The following TAFA2 variants were observed in gnomAD, a reference collection of about 807,000 sequenced individuals.
TAFA2 encodes the protein TAFA chemokine like family member 2, also known as chemokine-like protein TAFA-2.
In TAFA2, 7 loss-of-function variants were observed where a neutral mutation model predicts 18.8. That is an observed-to-expected ratio of 0.37 (90% CI 0.21 to 0.70). The LOEUF is 0.70. Ranked by LOEUF, TAFA2 falls within the 30% of genes least tolerant of loss-of-function variation. The pLI is 0.53. For synonymous variants in TAFA2, 60 were observed against 54.2 expected, an observed-to-expected ratio of 1.11 and a Z score of -0.47; for missense variants, 122 against 158.1, an observed-to-expected ratio of 0.77 and a Z score of 1.23.
intron 4 of TAFA2, among the ~76,000 whole-genome samples, chr12:61,714,826 G>A (rs1869572104): frequency 6.6e-6 from 1 of 152,042 alleles, no homozygotes. Flanking sequence ...AAAATTCCTT[G>A]TTCCCCCTGT....
intron 2 of TAFA2, among the ~76,000 whole-genome samples, chr12:61,811,274 C>G (rs1428802790): frequency 1.3e-5 from 2 of 151,046 alleles, no homozygotes. Context: ...TTCAGAAAAG[C>G]CCTACAGTTG....
intron 4 of TAFA2, among the ~76,000 whole-genome samples, chr12:61,736,713 T>C (rs1352886660): frequency 6.6e-6 from 1 of 151,994 alleles, no homozygotes; most frequent in Non-Finnish European, 1.5e-5. Context: ...CAATAAATTA[T>C]ATCATCACCC....
chr12:61,968,829 G>T (rs1029132846), intron 1 of TAFA2, among the ~76,000 whole-genome samples: 10 of 151,496 alleles, frequency 6.6e-5, no homozygotes, highest in Non-Finnish European at 1.5e-4. Flanking sequence ...CTCTTACTTT[G>T]CCATAGATGA....
intron 1 of TAFA2, among the ~76,000 whole-genome samples, chr12:62,129,371 T>G (rs1237036988): frequency 6.6e-6 from 1 of 152,034 alleles, no homozygotes; most frequent in African/African-American, 2.4e-5. Flanking sequence ...ATTTTGTCTA[T>G]AAGAAGTAAC....
intron 1 of TAFA2, among the ~76,000 whole-genome samples, chr12:62,198,957 C>T (rs2062660278): frequency 6.6e-6 from 1 of 152,074 alleles, no homozygotes; most frequent in South Asian, 2.1e-4. Flanking sequence ...AACTGTCCTA[C>T]ATGTAGTAGG....
intron 1 of TAFA2, among the ~76,000 whole-genome samples, chr12:62,020,521 A>G (rs1881093595): frequency 6.6e-6 from 1 of 152,190 alleles, no homozygotes; most frequent in South Asian, 2.1e-4. Flanking sequence ...AGAGAATGTC[A>G]ATTAGTTGTG....
At chr12:61,724,649 T>A (rs953947756) in intron 4 of TAFA2, among the ~76,000 whole-genome samples, 5 of 152,056 alleles carry the variant, frequency 3.3e-5, no homozygotes, top group African/African-American at 1.2e-4. Context: ...TGGTTTTCCA[T>A]TCCTGAGTTA....
intron 1 of TAFA2, among the ~76,000 whole-genome samples, chr12:62,090,793 G>A (rs903208950): frequency 6.6e-6 from 1 of 152,016 alleles, no homozygotes; most frequent in African/African-American, 2.4e-5. Context: ...ATGAACAAAA[G>A]TATCTCTCTT....
intron 1 of TAFA2, among the ~76,000 whole-genome samples, chr12:62,223,161 A>G (rs1273774509): frequency 4.6e-5 from 7 of 152,132 alleles, no homozygotes; most frequent in Non-Finnish European, 8.8e-5. Flanking sequence ...TAAAAAAGTA[A>G]GTAATATATG....
intron 2 of TAFA2, among the ~76,000 whole-genome samples, chr12:61,836,618 A>G (rs1282377022): frequency 1.3e-5 from 2 of 151,636 alleles, no homozygotes; most frequent in African/African-American, 4.8e-5. Flanking sequence ...CTCTTATAAA[A>G]TAGTTCCAAA....
At chr12:61,779,683 G>A (rs1199285018) in intron 2 of TAFA2, among the ~76,000 whole-genome samples, 2 of 151,796 alleles carry the variant, frequency 1.3e-5, no homozygotes, top group Non-Finnish European at 2.9e-5. Flanking sequence ...TTGGTAGGGA[G>A]GAGATTTTCC....
At chr12:62,110,643 T>C (rs1869686009) in intron 1 of TAFA2, among the ~76,000 whole-genome samples, 2 of 142,128 alleles carry the variant, frequency 1.4e-5, no homozygotes, top group African/African-American at 2.6e-5. Flanking sequence ...GTTGGTAGGC[T>C]ATTAATTACT....
chr12:61,851,755 A>G lies in TAFA2; in HGVS notation c.106+15565T>C, dbSNP rs773893589. On this transcript the variant is annotated intron_variant, in intron 2 of 4. Transcript: ENST00000416284. Reference sequence around the variant, plus strand: ...GTGCCACCGCACTCCAGCCTGGGCGACAGAGCGAGACTCCATCTCAAAAAA... The same window carrying G: ...GTGCCACCGCACTCCAGCCTGGGCGGCAGAGCGAGACTCCATCTCAAAAAA... Among the ~76,000 whole-genome samples, 20 of 116,218 alleles carry G rather than the reference A, an allele frequency of 1.7e-4. 1 individual carries two copies. The highest frequency in any genetic ancestry group is 6.7e-4 in the South Asian group (2 of 2,992). 76.2% of individuals were successfully genotyped at this position (116,218 alleles called of 152,430 possible). A position where few individuals can be genotyped will look rare whatever the true frequency, so the allele number is the denominator to read the frequency against.
intron 1 of TAFA2, among the ~76,000 whole-genome samples, chr12:62,246,929 G>T (rs935023826): frequency 1.3e-5 from 2 of 150,922 alleles, no homozygotes; most frequent in Non-Finnish European, 3.0e-5. Flanking sequence ...GTTTTGTTTT[G>T]TTTTTTTTAA....
intron 2 of TAFA2, among the ~76,000 whole-genome samples, chr12:61,833,865 G>T (rs937856943): frequency 1.3e-5 from 2 of 151,846 alleles, no homozygotes; most frequent in Non-Finnish European, 2.9e-5. Context: ...TCTCAAACCT[G>T]ACTGTGCATC....
At chr12:62,088,199 C>G (rs1214065467) in intron 1 of TAFA2, among the ~76,000 whole-genome samples, 1 of 152,002 alleles carries the variant, frequency 6.6e-6, no homozygotes, top group Non-Finnish European at 1.5e-5. Context: ...AACAACAGAA[C>G]TCCACATTTG....
chr12:61,929,221 A>T (rs1877445537), intron 1 of TAFA2, among the ~76,000 whole-genome samples: 1 of 152,014 alleles, frequency 6.6e-6, no homozygotes, highest in African/African-American at 2.4e-5. Context: ...GTTAGATAGG[A>T]AGGGACACAT....
In TAFA2 at chr12:61,841,146, T is replaced by C. The variant is rs536283506; in HGVS notation, c.106+26174A>G. 5.3e-5 allele frequency among the ~76,000 whole-genome samples: 8 copies of C among 152,182 alleles called. No homozygotes were observed. The East Asian group carries it at 1.6e-3, about 30-fold the overall frequency. On this transcript the variant is annotated intron_variant, in intron 2 of 4. Transcript: ENST00000416284. ...TAGGTGAATCTCAGTATAAATGTAG[T>C]CTATGAACACTATATCCACCATGGA...
intron 1 of TAFA2, among the ~76,000 whole-genome samples, chr12:62,079,393 C>T (rs775917769): frequency 1.3e-5 from 2 of 151,992 alleles, no homozygotes; most frequent in Non-Finnish European, 2.9e-5. Context: ...TGGCTCACAC[C>T]TGTAATCCCA....
Sources: allele counts gnomAD v4.1 joint callset (sites outside exome capture counted in the v4.1 genomes callset), GRCh38; gene constraint gnomAD v4.1.1; transcripts MANE v1.5; gene names NCBI Gene and HGNC (gene_info 2026-07-23, HGNC 2026-07-21).